KDM2B: variants seen among roughly 807,000 people sequenced by gnomAD.
KDM2B encodes the protein lysine demethylase 2B.
A neutral mutation model predicts 150.0 loss-of-function variants in KDM2B; 26 were observed. That is an observed-to-expected ratio of 0.17 (90% CI 0.13 to 0.24). The LOEUF (loss-of-function observed/expected upper bound fraction) is 0.24. KDM2B is among the 10% of genes least tolerant of loss of function. The pLI, the probability that KDM2B is intolerant of heterozygous loss-of-function variation, is 1.00. For missense variants in KDM2B, 1,265 were observed against 1,816.9 expected (o/e 0.70, Z 5.52); for synonymous variants, 734 against 729.5 (o/e 1.01, Z -0.10).
chr12:121,569,623 T>A (rs1180624387), intron 4 of KDM2B, among the ~76,000 whole-genome samples: 1 of 152,134 alleles, frequency 6.6e-6, no homozygotes, highest in African/African-American at 2.4e-5. Context: ...ATGTGCCCTA[T>A]CACCACTCTC....
chr12:121,460,702 C>T (rs1555293626), intron 12 of KDM2B, among the ~76,000 whole-genome samples: 1 of 152,136 alleles, frequency 6.6e-6, no homozygotes, highest in African/African-American at 2.4e-5. Flanking sequence ...GCCATCGAAC[C>T]TGGCCAAAAG....
chr12:121,450,178 G>C (rs1489191632), intron 13 of KDM2B, among the ~76,000 whole-genome samples: 3 of 152,040 alleles, frequency 2.0e-5, no homozygotes, highest in African/African-American at 7.2e-5. Context: ...GCTGGGTGTG[G>C]AGGTATGTGC....
intron 12 of KDM2B, among the ~76,000 whole-genome samples, chr12:121,473,928 C>A: frequency 6.6e-6 from 1 of 152,134 alleles, no homozygotes; most frequent in Non-Finnish European, 1.5e-5. Context: ...AACACATACT[C>A]CAAGGGGAAT....
intron 8 of KDM2B, among the ~76,000 whole-genome samples, chr12:121,523,151 GTC>G (rs1886836818): frequency 6.6e-6 from 1 of 152,232 alleles, no homozygotes; most frequent in Admixed American, 6.5e-5. Context: ...TGCTGAATGA[GTC>G]ACAGCTGGCA....
rs1555285349 is a variant in KDM2B, at chr12:121,430,801, CCAT to C, written c.3830-335_3830-333del. ...GCTTTTACAATGATAGGTTCACACA[CCAT>C]GTCAAGTAGCTTGCTTTTCTCATCT... On this transcript the variant is annotated intron_variant, in intron 22 of 22. Transcript: ENST00000377071. This position sits in a 1 kb window ranked among gnomAD's most constrained non-coding sequence, Gnocchi z 4.4. Among the ~76,000 whole-genome samples the C allele has an allele frequency of 1.3e-5, 2 of 152,180 alleles. No individual in the cohort carries two copies. The highest frequency in any genetic ancestry group is 4.8e-5 in the African/African-American group (2 of 41,420).
At chr12:121,444,410 C>CA in intron 15 of KDM2B, 40 bp downstream of exon 15, 4 of 1,612,054 alleles carry the variant, frequency 2.5e-6, no homozygotes, top group Non-Finnish European at 3.4e-6. Flanking sequence ...AGGCCCGCCC[C>CA]TCTCCCGACT....
At chr12:121,545,790 C>T (rs958358230) in intron 6 of KDM2B, among the ~76,000 whole-genome samples, 2 of 152,170 alleles carry the variant, frequency 1.3e-5, no homozygotes, top group African/African-American at 4.8e-5. Flanking sequence ...GCTGTTCTTA[C>T]AGGAAATGCA....
At chr12:121,484,678 C>T (rs939302209) in intron 12 of KDM2B, among the ~76,000 whole-genome samples, 8 of 151,902 alleles carry the variant, frequency 5.3e-5, no homozygotes, top group African/African-American at 1.9e-4. Flanking sequence ...TTTAGCTGGG[C>T]ATGATGGTGC....
At chr12:121,547,689 G>A (rs925285139) in intron 6 of KDM2B, among the ~76,000 whole-genome samples, 10 of 125,954 alleles carry the variant, frequency 7.9e-5, no homozygotes, top group Non-Finnish European at 1.3e-4. Context: ...TCGCTCTGTC[G>A]CCCAGGCTGG....
intron 6 of KDM2B, among the ~76,000 whole-genome samples, chr12:121,538,641 G>A (rs1246871688): frequency 2.0e-5 from 3 of 152,074 alleles, no homozygotes; most frequent in Non-Finnish European, 4.4e-5. Flanking sequence ...CCAAACTGTG[G>A]TACCTGGATT....
At chr12:121,511,575 C>A (rs1228252646) in intron 10 of KDM2B, among the ~76,000 whole-genome samples, 3 of 152,170 alleles carry the variant, frequency 2.0e-5, no homozygotes, top group Non-Finnish European at 2.9e-5. Flanking sequence ...CGTGAGCCAT[C>A]GCGCCCGGTG....
chr12:121,535,353 G>A (rs1238124695), intron 6 of KDM2B, among the ~76,000 whole-genome samples: 1 of 152,194 alleles, frequency 6.6e-6, no homozygotes, highest in Non-Finnish European at 1.5e-5. Flanking sequence ...TACAAAATGT[G>A]CAGAGTAGAC....
At chr12:121,557,924 C>T (rs984441636) in intron 4 of KDM2B, among the ~76,000 whole-genome samples, 1 of 152,186 alleles carries the variant, frequency 6.6e-6, no homozygotes, top group Non-Finnish European at 1.5e-5. Context: ...CTCCCCTTGC[C>T]TCCCTCCCAG....
intron 12 of KDM2B, among the ~76,000 whole-genome samples, chr12:121,478,059 G>GT (rs1881589686): frequency 6.6e-6 from 1 of 151,612 alleles, no homozygotes. Flanking sequence ...CTTTTTAAAA[G>GT]TTCTGTAGAA....
chr12:121,532,912 C>T lies in KDM2B; in HGVS notation c.825G>A (p.Glu275=). The change falls in exon 8 of 23, where the codon GAG becomes GAA. Residue 275 remains glutamate (E), a synonymous_variant. Coordinates refer to ENST00000377071, the MANE Select transcript of KDM2B (RefSeq NM_032590.5). ...PPTLHNLALY[E]EWVLSGKQSD... The stretch of plus-strand genomic sequence containing the variant: ...TCTGTTTGCCTGACAGCACCCACTC[C>T]TCGTACAGCGCCAAATTGTGCAGCG... The T allele has an allele frequency of 1.2e-6, 2 of 1,614,236 alleles. No homozygotes were observed. The highest frequency in any genetic ancestry group is 2.2e-5 in the South Asian group (2 of 91,092).
chr12:121,443,178 C>G, intron 17 of KDM2B, 148 bp from the exon 18 acceptor site: 4 of 721,860 alleles, frequency 5.5e-6, no homozygotes, highest in Non-Finnish European at 9.4e-6. Context: ...CACGTCTGAC[C>G]GACAGACGGG....
intron 13 of KDM2B, among the ~76,000 whole-genome samples, chr12:121,448,319 CAAAAAAAAAA>C (rs57261158): frequency 1.4e-4 from 7 of 51,108 alleles, no homozygotes; most frequent in African/African-American, 3.7e-4. Flanking sequence ...GACTCTGTCT[CAAAAAAAAAA>C]AAAAAAAAAA....
intron 12 of KDM2B, among the ~76,000 whole-genome samples, chr12:121,476,253 C>T (rs187066672): frequency 2.6e-4 from 40 of 151,992 alleles, no homozygotes; most frequent in African/African-American, 8.4e-4. Flanking sequence ...CAAGATTGTG[C>T]CATTACACTC....
chr12:121,424,933 C>T (rs1170672547), downstream of KDM2B, among the ~76,000 whole-genome samples: 1 of 152,120 alleles, frequency 6.6e-6, no homozygotes, highest in Non-Finnish European at 1.5e-5. Flanking sequence ...TGTCTAAAAC[C>T]TCATGGTTAA....
Sources: allele counts gnomAD v4.1 joint callset (sites outside exome capture counted in the v4.1 genomes callset), GRCh38; gene constraint gnomAD v4.1.1; non-coding constraint Gnocchi (gnomAD v3.1); transcripts MANE v1.5; gene names NCBI Gene and HGNC (gene_info 2026-07-23, HGNC 2026-07-21).